The following GDPD5 variants were observed in gnomAD, a reference collection of about 807,000 sequenced individuals.
The protein encoded by GDPD5 is glycerophosphodiester phosphodiesterase 2.
GDPD5 carries 48 observed loss-of-function variants against 75.1 expected under a neutral mutation model. The observed-to-expected ratio is 0.64, with a 90% CI of 0.51 to 0.81. The LOEUF (loss-of-function observed/expected upper bound fraction) is 0.81. Among genes scored for constraint, GDPD5 ranks in the 40% least tolerant of loss-of-function variants. The probability of loss-of-function intolerance (pLI) is 0.00; values close to 1 mark genes in which losing one functional copy is unlikely to be tolerated. For synonymous variants in GDPD5, 336 were observed against 339.0 expected (o/e 0.99, Z 0.10); for missense variants, 706 against 822.6 (o/e 0.86, Z 1.73).
intron 15 of GDPD5, chr11:75,438,523 T>G (rs576017232): frequency 6.6e-6 from 1 of 152,266 alleles, no homozygotes; most frequent in Non-Finnish European, 1.5e-5. Context: ...TATGTGGATG[T>G]TGGTCAACTG....
intron 2 of GDPD5, among the ~76,000 whole-genome samples, chr11:75,482,853 T>C (rs1949947468): frequency 6.6e-6 from 1 of 152,172 alleles, no homozygotes; most frequent in Admixed American, 6.5e-5. Flanking sequence ...ACCGTGGACA[T>C]GCCTGCCTCC....
At chr11:75,457,946 A>G (rs561850449) in intron 4 of GDPD5, among the ~76,000 whole-genome samples, 160 bp from the exon 5 acceptor site, 1 of 152,338 alleles carries the variant, frequency 6.6e-6, no homozygotes, top group South Asian at 2.1e-4. Flanking sequence ...ATGCTCTACC[A>G]TGCCTGCTCA....
intron 1 of GDPD5, among the ~76,000 whole-genome samples, chr11:75,510,773 C>G: frequency 1.3e-5 from 2 of 152,036 alleles, no homozygotes; most frequent in South Asian, 4.2e-4. Context: ...CCTCCTCCTC[C>G]GGGCCTCCCC....
chr11:75,450,086 G>A (rs1949099182), intron 6 of GDPD5, 103 bp from the exon 7 acceptor site: 1 of 895,598 alleles, frequency 1.1e-6, no homozygotes. Context: ...GGCAGGAGAG[G>A]CCGATGGAGC....
chr11:75,466,715 G>A (rs180704492), intron 3 of GDPD5, among the ~76,000 whole-genome samples: 25 of 152,190 alleles, frequency 1.6e-4, no homozygotes, highest in Non-Finnish European at 2.9e-4. Flanking sequence ...CTCACATCAT[G>A]GTGACCATCA....
chr11:75,504,517 G>A (rs1163084766), intron 1 of GDPD5, among the ~76,000 whole-genome samples: 1 of 152,228 alleles, frequency 6.6e-6, no homozygotes, highest in Non-Finnish European at 1.5e-5. Flanking sequence ...CCAGCCACAT[G>A]CTGCAGCATG....
At chr11:75,482,582 C>T (rs190534520) in intron 2 of GDPD5, among the ~76,000 whole-genome samples, 1 of 152,322 alleles carries the variant, frequency 6.6e-6, no homozygotes, top group East Asian at 1.9e-4. Context: ...GCTGGGGACT[C>T]CTCCAGATTC....
intron 6 of GDPD5, chr11:75,455,271 C>A (rs555097547): frequency 2.2e-6 from 1 of 454,840 alleles, no homozygotes; most frequent in East Asian, 6.9e-5. Flanking sequence ...GGGGTGCCAG[C>A]TGGTGCAGTT....
chr11:75,524,266 C>T (rs917589258), intron 1 of GDPD5, among the ~76,000 whole-genome samples: 3 of 152,238 alleles, frequency 2.0e-5, no homozygotes, highest in African/African-American at 4.8e-5. Context: ...AGGCATTCCT[C>T]GGGGCCCCAG....
chr11:75,489,519 T>C (rs504793), intron 2 of GDPD5, among the ~76,000 whole-genome samples: 105,051 of 152,202 alleles, frequency 0.69, 36,799 homozygotes, highest in East Asian at 0.96. Flanking sequence ...AGGTTCATGC[T>C]AATTCCATGA....
intron 4 of GDPD5, among the ~76,000 whole-genome samples, chr11:75,458,365 G>T (rs1365175756): frequency 6.6e-6 from 1 of 152,214 alleles, no homozygotes; most frequent in Non-Finnish European, 1.5e-5. Flanking sequence ...CTCACCTATA[G>T]GATGGGGATA....
At chr11:75,486,357 T>C (rs1950021524) in intron 2 of GDPD5, among the ~76,000 whole-genome samples, 2 of 152,174 alleles carry the variant, frequency 1.3e-5, no homozygotes, top group South Asian at 4.1e-4. Context: ...ATACCAAGGT[T>C]AGGCACCTGG....
intron 3 of GDPD5, among the ~76,000 whole-genome samples, chr11:75,474,678 C>G (rs1038836416): frequency 2.6e-5 from 4 of 152,246 alleles, no homozygotes; most frequent in Admixed American, 2.6e-4. Context: ...GGAGGGAGAC[C>G]AGCGTGGATG....
intron 3 of GDPD5, among the ~76,000 whole-genome samples, chr11:75,468,808 G>C (rs1412751024): frequency 6.6e-6 from 1 of 152,208 alleles, no homozygotes; most frequent in East Asian, 1.9e-4. Flanking sequence ...CCACAGAGTG[G>C]AGAATACACA....
At chr11:75,504,764 G>A (rs1429063934) in intron 1 of GDPD5, among the ~76,000 whole-genome samples, 3 of 152,054 alleles carry the variant, frequency 2.0e-5, no homozygotes, top group Non-Finnish European at 2.9e-5. Flanking sequence ...GTTAACATAC[G>A]GAACTGTATT....
chr11:75,466,697 A>G (rs1177777481), intron 3 of GDPD5, among the ~76,000 whole-genome samples: 1 of 152,188 alleles, frequency 6.6e-6, no homozygotes, highest in African/African-American at 2.4e-5. Context: ...GCCCCCTAAG[A>G]AGTGCCACTC....
intron 1 of GDPD5, among the ~76,000 whole-genome samples, chr11:75,498,639 C>G (rs1540211): frequency 0.78 from 118,324 of 152,096 alleles, 47,586 homozygotes; most frequent in East Asian, 0.94. Flanking sequence ...TCTGGGAGAA[C>G]AATGGGGGCG....
chr11:75,442,774 CA>C, intron 11 of GDPD5, 193 bp from the exon 12 acceptor site: 1 of 614,424 alleles, frequency 1.6e-6, no homozygotes. Flanking sequence ...CCCTGCTTAC[CA>C]AGAGGACGGA....
rs748503123 is a variant in GDPD5 at position 75,456,814 on chromosome 11, G to A, written c.318C>T (p.Val106=). 1 of 1,614,210 alleles carries A rather than the reference G, an allele frequency of 6.2e-7. No homozygotes were observed. Among genetic ancestry groups the A allele is most frequent in the Admixed American group, 1.7e-5 (1 of 60,034 alleles). Residue 106 remains valine (V), a splice_region_variant and synonymous_variant, in exon 6 of 17, where the codon GTC becomes GTT. Coordinates refer to ENST00000336898, the MANE Select transcript of GDPD5 (RefSeq NM_030792.8). ...AAFAYIAGLL[V]LALCHIAVGQ... ...CCACGGCAATGTGACATAGTGCCAG[G>A]ACCTGAGGAGGGACCCACAGGGTGA...
Sources: allele counts gnomAD v4.1 joint callset (sites outside exome capture counted in the v4.1 genomes callset), GRCh38; gene constraint gnomAD v4.1.1; transcripts MANE v1.5; gene names NCBI Gene and HGNC (gene_info 2026-07-23, HGNC 2026-07-21).